ATP9A: variants seen among roughly 807,000 people sequenced by gnomAD.
The protein encoded by ATP9A is ATPase phospholipid transporting 9A.
A neutral mutation model predicts 144.1 loss-of-function variants in ATP9A; 52 were observed. The observed-to-expected ratio is 0.36, with a 90% CI of 0.29 to 0.45. The LOEUF is 0.45. ATP9A is among the 20% of genes least tolerant of loss of function. ATP9A has a pLI of 1.00. For missense variants in ATP9A, 947 were observed against 1,392.7 expected (o/e 0.68, Z 5.09); for synonymous variants, 582 against 557.4 (o/e 1.04, Z -0.62).
intron 14 of ATP9A, among the ~76,000 whole-genome samples, chr20:51,643,261 T>A (rs2077328349): frequency 6.6e-6 from 1 of 152,202 alleles, no homozygotes; most frequent in Non-Finnish European, 1.5e-5. Flanking sequence ...AAAGGACCAA[T>A]CAAGTAGTGG....
chr20:51,604,220 G>A (rs1461439503), intron 27 of ATP9A, among the ~76,000 whole-genome samples: 5 of 152,284 alleles, frequency 3.3e-5, no homozygotes, highest in Admixed American at 6.5e-5. Context: ...CAACGAGAAG[G>A]GCAGCTCCCT....
chr20:51,758,155 T>C (rs964658356), intron 1 of ATP9A, among the ~76,000 whole-genome samples: 2 of 152,164 alleles, frequency 1.3e-5, no homozygotes, highest in Admixed American at 1.3e-4. Context: ...CAAGTATCAT[T>C]TGGTACAAAC....
intron 12 of ATP9A, 72 bp downstream of exon 12, chr20:51,671,043 A>G (rs183541936): frequency 1.3e-6 from 2 of 1,571,562 alleles, no homozygotes; most frequent in Non-Finnish European, 1.7e-6. Context: ...AGAGAGCCCA[A>G]GAATTTCAGC....
chr20:51,700,067 T>C (rs2077587125), intron 4 of ATP9A, among the ~76,000 whole-genome samples: 1 of 152,164 alleles, frequency 6.6e-6, no homozygotes, highest in African/African-American at 2.4e-5. Context: ...ATCTAGCATC[T>C]AATGGCACCT....
intron 4 of ATP9A, among the ~76,000 whole-genome samples, chr20:51,698,581 G>A (rs1363051223): frequency 2.0e-5 from 3 of 152,282 alleles, no homozygotes; most frequent in South Asian, 2.1e-4. Flanking sequence ...CTGGGGATAC[G>A]TGAAACTCAA....
chr20:51,668,292 G>A (rs1251092795), intron 13 of ATP9A, among the ~76,000 whole-genome samples: 2 of 151,836 alleles, frequency 1.3e-5, no homozygotes, highest in African/African-American at 4.8e-5. Context: ...AGGGCGTGGT[G>A]TGCACTAAGA....
At chr20:51,764,088 A>G (rs1159376552) in intron 1 of ATP9A, among the ~76,000 whole-genome samples, 3 of 152,238 alleles carry the variant, frequency 2.0e-5, no homozygotes, top group African/African-American at 4.8e-5. Flanking sequence ...CATACTGAGC[A>G]CTTATTCTCC....
At chr20:51,630,381 T>C (rs1369767313) in intron 15 of ATP9A, among the ~76,000 whole-genome samples, 1 of 152,184 alleles carries the variant, frequency 6.6e-6, no homozygotes, top group African/African-American at 2.4e-5. Context: ...AAAGTCTTCA[T>C]TGAATATGGA....
chr20:51,731,904 G>A (rs1033538139), intron 1 of ATP9A, among the ~76,000 whole-genome samples: 2 of 152,022 alleles, frequency 1.3e-5, no homozygotes, highest in Non-Finnish European at 2.9e-5. Flanking sequence ...GGGGAGCGGG[G>A]GAATCTCCTC....
chr20:51,730,582 G>A (rs763392053), intron 1 of ATP9A, among the ~76,000 whole-genome samples: 15 of 152,284 alleles, frequency 9.9e-5, no homozygotes, highest in Non-Finnish European at 1.9e-4. Flanking sequence ...AGGCCATTTC[G>A]GCACTGTGGG....
At chr20:51,677,186 G>A (rs1174023122) in intron 9 of ATP9A, among the ~76,000 whole-genome samples, 1 of 150,034 alleles carries the variant, frequency 6.7e-6, no homozygotes, top group South Asian at 2.1e-4. Flanking sequence ...CTCCCACCTT[G>A]GCCTCCCAAA....
chr20:51,627,482 AC>A, intron 17 of ATP9A, 117 bp downstream of exon 17: 3 of 919,274 alleles, frequency 3.3e-6, no homozygotes, highest in Non-Finnish European at 5.3e-6. Context: ...ACAACAGTGA[AC>A]CCAGTGTGCC....
intron 3 of ATP9A, among the ~76,000 whole-genome samples, chr20:51,723,529 GCACACT>G (rs1568836501): frequency 4.6e-5 from 7 of 150,856 alleles, no homozygotes; most frequent in Non-Finnish European, 8.9e-5. Context: ...AGCTATGATT[GCACACT>G]GCACTACAGC....
intron 1 of ATP9A, among the ~76,000 whole-genome samples, chr20:51,764,245 C>A (rs1376751189): frequency 2.0e-5 from 3 of 152,220 alleles, no homozygotes; most frequent in Non-Finnish European, 4.4e-5. Context: ...GTGAACCCAG[C>A]TCCTCAATGG....
In ATP9A at chr20:51,725,945, G is replaced by C; in HGVS notation, c.214-13C>G. 3 of 1,443,264 alleles carry C rather than the reference G, an allele frequency of 2.1e-6. No homozygotes were observed. Among genetic ancestry groups the C allele is most frequent in the Non-Finnish European group, 2.9e-6 (3 of 1,024,574 alleles). 89.4% of individuals were successfully genotyped at this position (1,443,264 alleles called of 1,614,324 possible). ...GGTTGAACAGCACCTGGAATGGAGG[G>C]AGACAACAGAGAAAGACATTCAGGG... On this transcript the variant is annotated splice_polypyrimidine_tract_variant and intron_variant, in intron 2 of 27. Coordinates refer to ENST00000338821, the MANE Select transcript of ATP9A (RefSeq NM_006045.3).
chr20:51,665,958 A>T (rs773320283), intron 13 of ATP9A, among the ~76,000 whole-genome samples: 1 of 152,206 alleles, frequency 6.6e-6, no homozygotes, highest in Non-Finnish European at 1.5e-5. Context: ...GGACACTCAT[A>T]AACTGCGGCC....
intron 14 of ATP9A, among the ~76,000 whole-genome samples, chr20:51,642,818 C>T (rs1004540170): frequency 2.0e-5 from 3 of 149,298 alleles, no homozygotes; most frequent in Non-Finnish European, 3.0e-5. Flanking sequence ...TCTGCAGAAG[C>T]CACAAGGCAA....
rs146488191 is a variant in ATP9A, at chr20:51,690,756, C to T, written c.706G>A (p.Val236Met). ...EEPNIDIHNF[V>M]GTFTREDSDP... ...TCACTTACTCGGGTAAAAGTTCCCA[C>T]GAAGTTGTGAATGTCAATATTTGGC... is the stretch of plus-strand genomic sequence containing the variant. The change falls in exon 8 of 28, where the codon GTG becomes ATG. Residue 236 changes from valine (V) to methionine (M), a missense_variant. Around this residue, in one of 2 missense-constraint regions of ATP9A, gnomAD observed 770 missense variants for 1,047.9 expected, o/e 0.73. Transcript: ENST00000338821. 12 of 1,614,084 alleles carry T rather than the reference C, an allele frequency of 7.4e-6. No homozygotes were observed. In the African/African-American group the frequency reaches 1.1e-4, roughly 14 times the overall value.
intron 20 of ATP9A, 63 bp downstream of exon 20, chr20:51,618,890 CT>C: frequency 8.1e-6 from 13 of 1,597,758 alleles, no homozygotes; most frequent in Non-Finnish European, 1.1e-5. Flanking sequence ...TGCAGTGCCC[CT>C]GCCGAAGCCG....
Sources: allele counts gnomAD v4.1 joint callset (sites outside exome capture counted in the v4.1 genomes callset), GRCh38; gene constraint gnomAD v4.1.1; regional missense constraint gnomAD v4.1.1; transcripts MANE v1.5; gene names NCBI Gene and HGNC (gene_info 2026-07-23, HGNC 2026-07-21).